The following IL16 variants were observed in gnomAD, a reference collection of about 807,000 sequenced individuals.
IL16 encodes the protein pro-interleukin-16.
IL16 carries 67 observed loss-of-function variants against 110.1 expected under a neutral mutation model. The ratio of observed to expected loss-of-function variants is 0.61; its 90% CI spans 0.50 to 0.75. The LOEUF is 0.75. IL16 is among the 30% of genes least tolerant of loss of function. IL16 has a pLI of 0.00. For missense variants in IL16, 1,545 were observed against 1,655.0 expected, an observed-to-expected ratio of 0.93 and a Z score of 1.15; for synonymous variants, 689 against 662.9, an observed-to-expected ratio of 1.04 and a Z score of -0.61.
intron 2 of IL16, among the ~76,000 whole-genome samples, chr15:81,256,219 C>A (rs1377798634): frequency 6.6e-6 from 1 of 151,938 alleles, no homozygotes; most frequent in Non-Finnish European, 1.5e-5. Context: ...AGCCTTTTTG[C>A]CCTTTTTCTA....
intron 2 of IL16, among the ~76,000 whole-genome samples, chr15:81,226,122 T>A (rs943130918): frequency 6.6e-6 from 1 of 152,218 alleles, no homozygotes; most frequent in Non-Finnish European, 1.5e-5. Flanking sequence ...GGAGGCCTTA[T>A]GGCAAGCAAG....
At position 81,269,825 on chromosome 15, in the gene IL16, C is replaced by T. The variant is rs537564991; in HGVS notation, c.675+177C>T. Among the ~76,000 whole-genome samples, 5 of 152,330 alleles carry T rather than the reference C, an allele frequency of 3.3e-5. No homozygotes were observed. In the South Asian group the frequency reaches 1.0e-3, roughly 32 times the overall value. On this transcript the variant is annotated intron_variant, in intron 5 of 18. Transcript: ENST00000683961. Reference sequence around the variant, plus strand: ...CACCTGGCTGAGTCCAAGCAGCACACATTTTTCTAATTAAACAAAGTGATT... The same window carrying T: ...CACCTGGCTGAGTCCAAGCAGCACATATTTTTCTAATTAAACAAAGTGATT...
At chr15:81,247,076 CTTTTTTTT>C (rs57484982) in intron 2 of IL16, among the ~76,000 whole-genome samples, 7 of 92,638 alleles carry the variant, frequency 7.6e-5, no homozygotes, top group Non-Finnish European at 1.3e-4. Flanking sequence ...TTTTCTTTTC[CTTTTTTTT>C]TTTTTTTTTT....
At chr15:81,270,536 G>A (rs945782270) in intron 5 of IL16, among the ~76,000 whole-genome samples, 6 of 152,198 alleles carry the variant, frequency 3.9e-5, no homozygotes, top group Non-Finnish European at 8.8e-5. Context: ...AGAGAGACAT[G>A]AGAGATGCTG....
rs1899252789 is a variant in IL16 at position 81,282,911 on chromosome 15, G to A, written c.1199+155G>A. Among the ~76,000 whole-genome samples, 3 of 152,226 alleles carry A rather than the reference G, an allele frequency of 2.0e-5. No homozygotes were observed. The South Asian group carries it at 6.2e-4, about 31-fold the overall frequency. ...GCCCGCCAGGACACCCCCTGTTGTG[G>A]GCACTGGCTGGGGAGGGGCAGGCCT... On this transcript the variant is annotated intron_variant, in intron 9 of 18. Coordinates refer to ENST00000683961, the MANE Select transcript of IL16 (RefSeq NM_172217.5).
chr15:81,292,169 G>C, intron 11 of IL16: 1 of 356,378 alleles, frequency 2.8e-6, no homozygotes, highest in Non-Finnish European at 5.6e-6. Flanking sequence ...ATCTCCAGCA[G>C]TCCCTGGAGA....
intron 4 of IL16, 126 bp downstream of exon 4, chr15:81,265,927 G>A (rs1898362987): frequency 2.3e-6 from 2 of 856,742 alleles, no homozygotes; most frequent in Non-Finnish European, 3.5e-6. Context: ...CAGAGGAGAG[G>A]GTCTCGCTTA....
chr15:81,217,682 A>C (rs1896480396), intron 1 of IL16, among the ~76,000 whole-genome samples: 1 of 152,188 alleles, frequency 6.6e-6, no homozygotes, highest in Non-Finnish European at 1.5e-5. Flanking sequence ...GCACACTGTG[A>C]TCTAATGGGA....
At chr15:81,254,279 TGGAATTGTCATGATCTTTGG>T (rs66784305) in intron 2 of IL16, among the ~76,000 whole-genome samples, 35,985 of 152,022 alleles carry the variant, frequency 0.24, 4,926 homozygotes, top group African/African-American at 0.37. Context: ...AACAGAGCAA[TGGAATTGTCATGATCTTTGG>T]GGAGAAGTTT....
rs1281233839 is a variant in IL16 at position 81,215,750 on chromosome 15, C to T, written c.-101-9549C>T. Among the ~76,000 whole-genome samples, 4 of 152,200 alleles carry T rather than the reference C, an allele frequency of 2.6e-5. No homozygotes were observed. The East Asian group carries it at 7.7e-4, about 29-fold the overall frequency. ...GCCCGGGAACCCATTTGTCTCACCC[C>T]TTGCCACACTCTGAGGGTGGGGGAT... On this transcript the variant is annotated intron_variant, in intron 1 of 18. Coordinates refer to ENST00000683961, the MANE Select transcript of IL16 (RefSeq NM_172217.5).
intron 1 of IL16, among the ~76,000 whole-genome samples, chr15:81,186,928 A>C (rs1344382168): frequency 6.6e-6 from 1 of 152,096 alleles, no homozygotes; most frequent in Non-Finnish European, 1.5e-5. Context: ...TAAAGTGCTG[A>C]GATTACAAGA....
intron 2 of IL16, among the ~76,000 whole-genome samples, chr15:81,252,321 G>C (rs1402779519): frequency 6.6e-6 from 1 of 152,200 alleles, no homozygotes; most frequent in African/African-American, 2.4e-5. Context: ...GTGAAAGACA[G>C]AGCCATTAGT....
intron 1 of IL16, among the ~76,000 whole-genome samples, chr15:81,209,003 G>A (rs183559423): frequency 6.6e-6 from 1 of 152,246 alleles, no homozygotes; most frequent in East Asian, 1.9e-4. Context: ...ACAGAACAGT[G>A]CACATAGTAA....
chr15:81,306,165 T>G lies in IL16; in HGVS notation c.3678T>G (p.Ser1226=). Residue 1226 remains serine, a splice_region_variant and synonymous_variant, in exon 17 of 19, where the codon TCT becomes TCG. Transcript: ENST00000683961. ...CAGCCAGTGATGTTTCTGTAGAATC[T>G]AGTAAGTTCTCCCAACTCAGTGGAA... The part of the protein sequence containing the change: ...ASAASDVSVE[S]TAEATVCTVT... 1 of 1,613,170 alleles carries G rather than the reference T, an allele frequency of 6.2e-7. No individual in the cohort carries two copies. The highest frequency in any genetic ancestry group is 8.5e-7 in the Non-Finnish European group (1 of 1,179,450).
chr15:81,291,510 G>GTT (rs980816614), intron 11 of IL16, among the ~76,000 whole-genome samples: 1 of 152,118 alleles, frequency 6.6e-6, no homozygotes. Flanking sequence ...GCTGGCCTTG[G>GTT]TTCTCTCTCA....
chr15:81,304,359 T>C (rs1384071451), intron 16 of IL16, among the ~76,000 whole-genome samples: 1 of 152,232 alleles, frequency 6.6e-6, no homozygotes, highest in Non-Finnish European at 1.5e-5. Flanking sequence ...CCTGTGGGAA[T>C]GGCACTTTGG....
At chr15:81,280,097 C>A (rs976870794) in intron 8 of IL16, among the ~76,000 whole-genome samples, 1 of 152,186 alleles carries the variant, frequency 6.6e-6, no homozygotes, top group African/African-American at 2.4e-5. Context: ...TATGCTAAGA[C>A]GCCCTGGGCA....
In IL16 at chr15:81,265,650, C is replaced by A. The variant is rs1898342850; in HGVS notation, c.422-9C>A. 1 of 1,611,698 alleles carries A rather than the reference C, an allele frequency of 6.2e-7. No individual in the cohort carries two copies. The highest frequency in any genetic ancestry group is 1.3e-5 in the African/African-American group (1 of 74,730). On this transcript the variant is annotated splice_polypyrimidine_tract_variant and intron_variant, in intron 3 of 18. Coordinates refer to ENST00000683961, the MANE Select transcript of IL16 (RefSeq NM_172217.5). ...ATGATTTCTTGCTGTTTTTCCTCTT[C>A]TGGTTTAGGTGTTAATCCCTATTGC...
chr15:81,192,985 A>G (rs117142574), upstream of IL16, among the ~76,000 whole-genome samples: 2,475 of 152,320 alleles, frequency 0.016, 33 homozygotes, highest in Non-Finnish European at 0.022. Context: ...GAACCTTACA[A>G]GTATTACCAT....
Sources: gnomAD v4.1 joint callset for allele counts (sites outside exome capture counted in the v4.1 genomes callset) on GRCh38, gnomAD v4.1.1 for gene constraint, MANE v1.5 for transcripts, NCBI Gene and HGNC (gene_info 2026-07-23, HGNC 2026-07-21) for gene names.